The following MLIP variants were observed in gnomAD, a reference collection of about 807,000 sequenced individuals.
The protein encoded by MLIP is muscular LMNA-interacting protein.
In MLIP, 79 loss-of-function variants were observed where a neutral mutation model predicts 84.8. That is an observed-to-expected ratio of 0.93 (90% CI 0.78 to 1.12). The LOEUF is 1.12. MLIP is among the 50% of genes most tolerant of loss of function. MLIP has a pLI of 0.00. For synonymous variants in MLIP, 504 were observed against 463.0 expected, an observed-to-expected ratio of 1.09 and a Z score of -1.14; for missense variants, 1,257 against 1,160.6, an observed-to-expected ratio of 1.08 and a Z score of -1.21.
At chr6:54,178,963 TG>T (rs1776577498) in intron 9 of MLIP, among the ~76,000 whole-genome samples, 1 of 152,206 alleles carries the variant, frequency 6.6e-6, no homozygotes, top group Admixed American at 6.5e-5. Context: ...ATTTTCTGTC[TG>T]GGAGATCTGT....
At chr6:54,046,842 C>G (rs1264253170) in intron 1 of MLIP, 1 of 152,070 alleles carries the variant, frequency 6.6e-6, no homozygotes, top group Non-Finnish European at 1.5e-5. Flanking sequence ...TGCAAATTAA[C>G]TAAAATTGAG....
intron 8 of MLIP, among the ~76,000 whole-genome samples, chr6:54,165,978 C>T (rs970471477): frequency 2.6e-5 from 4 of 151,938 alleles, no homozygotes; most frequent in Non-Finnish European, 4.4e-5. Flanking sequence ...AGAAGTGGTC[C>T]CTCACCAGAC....
In MLIP at chr6:54,139,732, C is replaced by T. The variant is rs530675333; in HGVS notation, c.2217+1446C>T. ...AATTGTCCAGGTAATGGGTCTGTTT[C>T]GGAGCTGACATTTATGTAATGTTAA... On this transcript the variant is annotated intron_variant, in intron 4 of 13. Transcript: ENST00000502396. 1.8e-4 allele frequency among the ~76,000 whole-genome samples: 28 copies of T among 152,182 alleles called. 2 individuals are homozygous for T. In the South Asian group the frequency reaches 4.6e-3, roughly 25 times the overall value.
intron 4 of MLIP, among the ~76,000 whole-genome samples, chr6:54,140,389 T>G (rs1289681949): frequency 6.6e-6 from 1 of 152,216 alleles, no homozygotes; most frequent in African/African-American, 2.4e-5. Context: ...TGAAAAATTT[T>G]CAGCATTTGC....
chr6:54,054,639 A>C (rs1765549873), intron 1 of MLIP, among the ~76,000 whole-genome samples: 1 of 152,200 alleles, frequency 6.6e-6, no homozygotes, highest in South Asian at 2.1e-4. Flanking sequence ...CATTGTGATC[A>C]TGAATAATAT....
intron 11 of MLIP, among the ~76,000 whole-genome samples, chr6:54,220,560 T>C (rs1780149157): frequency 6.6e-6 from 1 of 152,192 alleles, no homozygotes; most frequent in Admixed American, 6.5e-5. Flanking sequence ...GAAAACACCT[T>C]TGAAGATCTG....
chr6:54,033,168 C>T (rs978593053), intron 1 of MLIP, among the ~76,000 whole-genome samples: 2 of 152,040 alleles, frequency 1.3e-5, no homozygotes, highest in Non-Finnish European at 2.9e-5. Flanking sequence ...ATAGGCAGAA[C>T]ACGTTCCATG....
intron 1 of MLIP, among the ~76,000 whole-genome samples, chr6:54,020,484 C>A (rs1204435926): frequency 3.3e-5 from 5 of 152,180 alleles, no homozygotes; most frequent in Admixed American, 6.5e-5. Context: ...TAACTAAATA[C>A]ATGAATAATT....
chr6:54,124,705 C>T lies in MLIP; in HGVS notation c.485C>T (p.Pro162Leu). ...AASRKVEQGPPGGIGTAAVRP... is the reference protein window; with the variant it reads ...AASRKVEQGPLGGIGTAAVRP... ...AGCAGAAAAGTTGAACAAGGCCCCC[C>T]AGGGGGGATTGGCACCGCAGCTGTC... is the stretch of plus-strand genomic sequence containing the variant. The change falls in exon 3 of 14, where the codon CCA (proline) becomes CTA (leucine). Residue 162 changes from proline (P) to leucine (L), a missense_variant. Pro to Leu is a moderately conservative substitution (Grantham distance 98, BLOSUM62 -3). Transcript: ENST00000502396. 3.1e-6 allele frequency: 5 copies of T among 1,614,188 alleles called. No homozygotes were observed. The highest frequency in any genetic ancestry group is 2.5e-6 in the Non-Finnish European group (3 of 1,180,024).
intron 11 of MLIP, among the ~76,000 whole-genome samples, chr6:54,219,299 TTAATC>T (rs575400871): frequency 1.5e-4 from 22 of 151,408 alleles, no homozygotes; most frequent in African/African-American, 3.4e-4. Context: ...ATTTATATCT[TTAATC>T]TATAAGCTTT....
intron 9 of MLIP, among the ~76,000 whole-genome samples, chr6:54,174,389 C>T (rs1168965438): frequency 2.0e-5 from 3 of 151,992 alleles, no homozygotes; most frequent in East Asian, 3.9e-4. Context: ...GTTCCCTTTT[C>T]TCCACATGCT....
At chr6:54,156,955 G>A (rs187708809) in intron 5 of MLIP, among the ~76,000 whole-genome samples, 1 of 152,120 alleles carries the variant, frequency 6.6e-6, no homozygotes, top group Non-Finnish European at 1.5e-5. Context: ...GTGAGGCCAA[G>A]AAAGATGTTA....
intron 5 of MLIP, among the ~76,000 whole-genome samples, chr6:54,156,300 A>G (rs1245540526): frequency 6.6e-6 from 1 of 152,118 alleles, no homozygotes; most frequent in African/African-American, 2.4e-5. Flanking sequence ...TTTTAAAAAT[A>G]CAGCCTGAGT....
intron 5 of MLIP, among the ~76,000 whole-genome samples, chr6:54,160,014 A>G (rs1774447233): frequency 6.6e-6 from 1 of 152,104 alleles, no homozygotes; most frequent in South Asian, 2.1e-4. Context: ...GGCCTCAGAA[A>G]TAATGCCACA....
chr6:54,036,082 G>T (rs533887746), intron 1 of MLIP, among the ~76,000 whole-genome samples: 3 of 151,896 alleles, frequency 2.0e-5, no homozygotes, highest in African/African-American at 7.2e-5. Context: ...AATTTTTAAA[G>T]CTTTATTGCT....
intron 9 of MLIP, among the ~76,000 whole-genome samples, chr6:54,170,634 A>G (rs1043790947): frequency 1.8e-4 from 28 of 151,718 alleles, no homozygotes; most frequent in Non-Finnish European, 1.9e-4. Flanking sequence ...GATTCTGGGA[A>G]AATTACTCAC....
intron 12 of MLIP, among the ~76,000 whole-genome samples, chr6:54,248,481 C>T (rs1782237680): frequency 6.6e-6 from 1 of 152,010 alleles, no homozygotes; most frequent in Non-Finnish European, 1.5e-5. Context: ...GTAGTTAATC[C>T]CCTTAGGGAA....
At chr6:54,046,684 T>TCATG (rs1765079197) in intron 1 of MLIP, 1 of 152,204 alleles carries the variant, frequency 6.6e-6, no homozygotes, top group Non-Finnish European at 1.5e-5. Context: ...CTTCAAATAC[T>TCATG]ATCATGATCA....
chr6:54,160,259 AT>A, intron 5 of MLIP, 107 bp from the exon 6 acceptor site: 10 of 834,960 alleles, frequency 1.2e-5, no homozygotes, highest in South Asian at 1.0e-4. Flanking sequence ...TACTGTAAAT[AT>A]TTTTTTCTTG....
Sources: allele counts gnomAD v4.1 joint callset (sites outside exome capture counted in the v4.1 genomes callset), GRCh38; gene constraint gnomAD v4.1.1; transcripts MANE v1.5; gene names NCBI Gene and HGNC (gene_info 2026-07-23, HGNC 2026-07-21).